CD163: variants seen among roughly 807,000 people sequenced by gnomAD.
CD163 encodes the protein CD163 molecule.
In CD163, 64 loss-of-function variants were observed where a neutral mutation model predicts 129.2. That is an observed-to-expected ratio of 0.50 (90% CI 0.41 to 0.61). The LOEUF is 0.61. Among genes scored for constraint, CD163 ranks in the 20% least tolerant of loss-of-function variants. CD163 has a pLI of 0.00. For synonymous variants in CD163, 446 were observed against 478.5 expected (o/e 0.93, Z 0.89); for missense variants, 1,061 against 1,377.9 (o/e 0.77, Z 3.64).
At chr12:7,494,763 T>G (rs1001391073) in intron 6 of CD163, among the ~76,000 whole-genome samples, 1 of 152,210 alleles carries the variant, frequency 6.6e-6, no homozygotes, top group Non-Finnish European at 1.5e-5. Flanking sequence ...TTATCTAACA[T>G]GGTTATTTTT....
At chr12:7,481,090 G>C in intron 15 of CD163, 71 bp downstream of exon 15, 2 of 1,550,950 alleles carry the variant, frequency 1.3e-6, no homozygotes. Flanking sequence ...TATCAAAGTA[G>C]AATGTCTGTG....
chr12:7,498,850 G>A lies in CD163; in HGVS notation c.778+18C>T, dbSNP rs757922454. 2 of 1,604,688 alleles carry A rather than the reference G, an allele frequency of 1.2e-6. No individual in the cohort carries two copies. Among genetic ancestry groups the A allele is most frequent in the Non-Finnish European group, 1.7e-6 (2 of 1,174,050 alleles). ...TGTCCTCTCCTGGAGAATAGAATGA[G>A]CCAAGATCAGTCCTTACTTGAGCAA... On this transcript the variant is annotated intron_variant, in intron 4 of 16. Transcript: ENST00000432237.
chr12:7,481,049 C>G, intron 15 of CD163, 112 bp downstream of exon 15: 4 of 1,472,474 alleles, frequency 2.7e-6, no homozygotes, highest in Non-Finnish European at 3.6e-6. Context: ...ATCTAAGCTT[C>G]CTATTACATT....
Position 7,501,198 on chromosome 12 carries a change from T to A in CD163, c.398A>T (p.Asp133Val). 6.2e-7 allele frequency: 1 copy of A among 1,614,188 alleles called. No homozygotes were observed. The highest frequency in any genetic ancestry group is 8.5e-7 in the Non-Finnish European group (1 of 1,180,024). ...ACAGTTACTATGCTTTCCCCATCCA[T>A]CATGTTTGCAATCCCAAAGAGCTGA... ...NESALWDCKH[D>V]GWGKHSNCTH... The change falls in exon 3 of 17, where the codon GAT becomes GTT. Residue 133 changes from aspartate to valine, a missense_variant. By Grantham distance (152) the Asp-to-Val change is radical. Coordinates refer to ENST00000432237, the MANE Select transcript of CD163 (RefSeq NM_203416.4).
At position 7,487,993 on chromosome 12, in the gene CD163, C is replaced by G; in HGVS notation, c.1515G>C (p.Ser505=). 6.2e-7 allele frequency: 1 copy of G among 1,614,020 alleles called. No individual in the cohort carries two copies. The highest frequency in any genetic ancestry group is 1.1e-5 in the South Asian group (1 of 91,076). Residue 505 remains serine (S), a synonymous_variant, in exon 7 of 17, where the codon TCG becomes TCC. Transcript: ENST00000432237. The surrounding 1 kb of genome is among the most constrained non-coding windows in gnomAD (Gnocchi z 5.1). ...CGCTGGCAGCTTCCAGAGAGAAGTCCGAATCACAGATGGAGCCCCACGTGT... is the reference window on the plus strand; with the variant it reads ...CGCTGGCAGCTTCCAGAGAGAAGTCGGAATCACAGATGGAGCCCCACGTGT... The part of the protein sequence containing the change: ...HGDTWGSICD[S]DFSLEAASVL...
chr12:7,479,143 C>A (rs1949127132), intron 16 of CD163, among the ~76,000 whole-genome samples: 1 of 152,086 alleles, frequency 6.6e-6, no homozygotes, highest in Non-Finnish European at 1.5e-5. Context: ...GGGCTCTATG[C>A]AGCCTTTTCA....
At chr12:7,474,812 A>G (rs1430384460) in intron 16 of CD163, among the ~76,000 whole-genome samples, 2 of 152,060 alleles carry the variant, frequency 1.3e-5, no homozygotes, top group Non-Finnish European at 2.9e-5. Context: ...AGATAAACAG[A>G]ATCGACAGAC....
intron 16 of CD163, among the ~76,000 whole-genome samples, chr12:7,473,656 A>T (rs781540035): frequency 1.3e-5 from 2 of 152,298 alleles, no homozygotes; most frequent in East Asian, 3.9e-4. Flanking sequence ...CTATGAAGAA[A>T]CCACATCAAC....
At position 7,485,136 on chromosome 12, in the gene CD163, T is replaced by G. The variant is rs150018775; in HGVS notation, c.2739A>C (p.Arg913Ser). The G allele has an allele frequency of 6.5e-4, 1,045 of 1,613,066 alleles. 5 individuals carry two copies. The East Asian group carries it at 0.018, about 27-fold the overall frequency. The part of the protein sequence containing the change: ...WQCPSSPWEK[R>S]LASPSEETWI... ...AGGTCTCCTCCGAGGGGCTGGCCAG[T>G]CTCTTCTCCCATGGAGATGATGGGC... The change falls in exon 11 of 17, where the codon AGA becomes AGC. Residue 913 changes from arginine to serine, a missense_variant. By Grantham distance (110) the Arg-to-Ser change is moderately radical. Transcript: ENST00000432237. The surrounding 1 kb of genome is among the most constrained non-coding windows in gnomAD (Gnocchi z 4.5).
At chr12:7,482,572 T>C in intron 14 of CD163, 71 bp downstream of exon 14, 1 of 1,528,898 alleles carries the variant, frequency 6.5e-7, no homozygotes, top group East Asian at 2.3e-5. Context: ...TAGACTTGAG[T>C]CTAATATTTT....
intron 16 of CD163, among the ~76,000 whole-genome samples, chr12:7,474,057 C>G (rs1333181234): frequency 6.6e-6 from 1 of 152,124 alleles, no homozygotes; most frequent in Non-Finnish European, 1.5e-5. Context: ...GCACCCAATA[C>G]AGGAGCACCC....
intron 16 of CD163, among the ~76,000 whole-genome samples, chr12:7,477,932 A>G (rs1199149114): frequency 6.6e-6 from 1 of 152,186 alleles, no homozygotes; most frequent in Non-Finnish European, 1.5e-5. Flanking sequence ...AGTTTACAAC[A>G]CTAGAATTTT....
In CD163 at chr12:7,498,920, T is replaced by A; in HGVS notation, c.726A>T (p.Gly242=). Residue 242 remains glycine, a synonymous_variant, in exon 4 of 17, where the codon GGA becomes GGT. Coordinates refer to ENST00000432237, the MANE Select transcript of CD163 (RefSeq NM_203416.4). ...CATGATCACAGTTATGCTTTCCCCA[T>A]CCTTGATGTTTGCAGTTCCAGAGAG... ...ESALWNCKHQ[G]WGKHNCDHAE... The A allele has an allele frequency of 6.2e-7, 1 of 1,614,130 alleles. No homozygotes were observed. Among genetic ancestry groups the A allele is most frequent in the Non-Finnish European group, 8.5e-7 (1 of 1,180,002 alleles).
In CD163 at chr12:7,487,748, A is replaced by C. The variant is rs1341045419; in HGVS notation, c.1735+25T>G. 1 of 1,613,998 alleles carries C rather than the reference A, an allele frequency of 6.2e-7. No individual in the cohort carries two copies. The stretch of plus-strand genomic sequence containing the variant: ...TGTCCCTTTCACAGTATGAGAACCA[A>C]TTAAAGATGTTTTCTGGGTCTTACT... On this transcript the variant is annotated intron_variant, in intron 7 of 16. Transcript: ENST00000432237. This position sits in a 1 kb window ranked among gnomAD's most constrained non-coding sequence, Gnocchi z 5.1.
At chr12:7,471,834 C>T (rs1489578488) in intron 16 of CD163, 2 of 152,246 alleles carry the variant, frequency 1.3e-5, no homozygotes, top group Admixed American at 6.5e-5. Context: ...CAGCAAGTCA[C>T]GAACTACTGA....
intron 16 of CD163, among the ~76,000 whole-genome samples, chr12:7,476,280 G>A (rs1949086092): frequency 1.3e-5 from 2 of 152,090 alleles, no homozygotes; most frequent in Non-Finnish European, 2.9e-5. Flanking sequence ...GTATAGCCAA[G>A]ACAATCCTAA....
intron 6 of CD163, among the ~76,000 whole-genome samples, chr12:7,490,822 T>G (rs1052087492): frequency 6.6e-6 from 1 of 152,014 alleles, no homozygotes; most frequent in Non-Finnish European, 1.5e-5. Context: ...CTATCCAAAT[T>G]TGAAATGAAA....
intron 13 of CD163, 46 bp downstream of exon 13, chr12:7,482,920 A>G: frequency 2.5e-6 from 4 of 1,598,542 alleles, no homozygotes; most frequent in South Asian, 1.1e-5. Context: ...GAAAAATTCT[A>G]TGTATGCAGA....
chr12:7,496,780 T>C lies in CD163; in HGVS notation c.1099+33A>G, dbSNP rs765463249. 28 of 1,591,584 alleles carry C rather than the reference T, an allele frequency of 1.8e-5. No homozygotes were observed. The South Asian group carries it at 3.1e-4, about 18-fold the overall frequency. ...TTCCGTTTCTGCTTTTCTTTTTGTT[T>C]AGTGTTTTGGTTTTGGTTTGGTTTT... On this transcript the variant is annotated intron_variant, in intron 5 of 16. Transcript: ENST00000432237. The surrounding 1 kb of genome is among the most constrained non-coding windows in gnomAD (Gnocchi z 4.8).
Sources: allele counts gnomAD v4.1 joint callset (sites outside exome capture counted in the v4.1 genomes callset), GRCh38; gene constraint gnomAD v4.1.1; non-coding constraint Gnocchi (gnomAD v3.1); transcripts MANE v1.5; gene names NCBI Gene and HGNC (gene_info 2026-07-23, HGNC 2026-07-21).